CPM: variants seen among roughly 807,000 people sequenced by gnomAD.
CPM encodes renal carboxypeptidase.
A neutral mutation model predicts 46.4 loss-of-function variants in CPM; 35 were observed. The observed-to-expected ratio is 0.75, with a 90% CI of 0.58 to 1.00. The LOEUF (loss-of-function observed/expected upper bound fraction) is 1.00. CPM is among the 50% of genes least tolerant of loss of function. CPM has a pLI of 0.00. For synonymous variants in CPM, 195 were observed against 195.3 expected (o/e 1.00, Z 0.01); for missense variants, 422 against 530.4 (o/e 0.80, Z 2.01).
chr12:68,914,029 C>T (rs1887706977), intron 2 of CPM: 8 of 707,948 alleles, frequency 1.1e-5, no homozygotes, highest in Admixed American at 1.1e-4. Flanking sequence ...CTCTTCAAAT[C>T]CTCACTATTC....
intron 7 of CPM, among the ~76,000 whole-genome samples, chr12:68,865,052 C>G (rs1885376643): frequency 6.6e-6 from 1 of 151,950 alleles, no homozygotes; most frequent in Non-Finnish European, 1.5e-5. Context: ...AATAGATTAA[C>G]AAACTAAAGG....
chr12:68,867,153 A>G (rs1280830166), intron 6 of CPM, 105 bp from the exon 7 acceptor site: 2 of 1,137,536 alleles, frequency 1.8e-6, no homozygotes, highest in African/African-American at 1.6e-5. Context: ...TGTAAACAGG[A>G]AAAAATGAAT....
chr12:68,885,714 T>C (rs1182774230), intron 3 of CPM, 78 bp downstream of exon 3: 2 of 1,161,802 alleles, frequency 1.7e-6, no homozygotes, highest in Non-Finnish European at 2.5e-6. Context: ...GCTTCCTCGG[T>C]AGCATTTATA....
chr12:68,899,220 T>C (rs931401106), intron 2 of CPM, among the ~76,000 whole-genome samples: 2 of 152,206 alleles, frequency 1.3e-5, no homozygotes, highest in African/African-American at 4.8e-5. Flanking sequence ...CAAAATGTAT[T>C]AGCACAAAAA....
chr12:68,953,252 T>TC (rs966937712), intron 1 of CPM, among the ~76,000 whole-genome samples: 10 of 146,446 alleles, frequency 6.8e-5, no homozygotes, highest in South Asian at 2.2e-4. Flanking sequence ...TTTCTCTCTC[T>TC]TTTTTTTTTT....
At chr12:68,930,284 G>A (rs1015647563) in intron 2 of CPM, among the ~76,000 whole-genome samples, 1 of 152,226 alleles carries the variant, frequency 6.6e-6, no homozygotes, top group African/African-American at 2.4e-5. Flanking sequence ...GTTTCACCAT[G>A]TTGGCCAGGC....
intron 1 of CPM, among the ~76,000 whole-genome samples, chr12:68,958,521 C>G (rs1428162277): frequency 6.6e-6 from 1 of 152,098 alleles, no homozygotes; most frequent in Non-Finnish European, 1.5e-5. Context: ...TCCACCCACC[C>G]CAACCAATGC....
In CPM at chr12:68,856,192, T is replaced by C. The variant is rs1476036228; in HGVS notation, c.*245A>G. ...ATTTTAAGACTACTTCAAGATTAAT[T>C]TGAGTGTAAATGAGCAGTACTTGTT... On this transcript the variant is annotated 3_prime_UTR_variant, in exon 9 of 9. Coordinates refer to ENST00000551568, the MANE Select transcript of CPM (RefSeq NM_198320.5). 2.2e-6 allele frequency: 1 copy of C among 452,130 alleles called. No homozygotes were observed. The highest frequency in any genetic ancestry group is 1.9e-5 in the African/African-American group (1 of 51,758). 28.0% of individuals were successfully genotyped at this position (452,130 alleles called of 1,614,324 possible). A position where few individuals can be genotyped will look rare whatever the true frequency, so the allele number is the denominator to read the frequency against.
At chr12:68,859,500 G>A (rs1160801491) in intron 7 of CPM, among the ~76,000 whole-genome samples, 1 of 152,140 alleles carries the variant, frequency 6.6e-6, no homozygotes, top group Non-Finnish European at 1.5e-5. Flanking sequence ...GTTTTGTCTT[G>A]TAGTGCAACT....
chr12:68,856,778 G>GCA (rs2058859470), intron 8 of CPM, 99 bp from the exon 9 acceptor site: 1 of 1,451,250 alleles, frequency 6.9e-7, no homozygotes, highest in South Asian at 1.3e-5. Flanking sequence ...CAGCCTTTGT[G>GCA]CAATGCATGT....
At chr12:68,947,159 T>C (rs1170767515) in intron 1 of CPM, among the ~76,000 whole-genome samples, 1 of 152,154 alleles carries the variant, frequency 6.6e-6, no homozygotes, top group East Asian at 1.9e-4. Context: ...TGGAGTTAAG[T>C]GGAGTTCAAA....
At chr12:68,936,937 T>C (rs1397803255), upstream of CPM, among the ~76,000 whole-genome samples, 3 of 152,152 alleles carry the variant, frequency 2.0e-5, no homozygotes, top group Non-Finnish European at 2.9e-5. Flanking sequence ...CTAATAAATA[T>C]AGTAAAGGTT....
chr12:68,843,494 CTG>C lies in CPM; in HGVS notation c.534-1167_534-1166del, dbSNP rs1271362872. The C allele has an allele frequency of 4.1e-5, 9 of 222,048 alleles. No individual in the cohort carries two copies. The East Asian group carries it at 5.1e-4, about 13-fold the overall frequency. The allele number at this position is 222,048 out of a possible 1,614,324, so 13.8% of individuals were successfully genotyped here. A position where few individuals can be genotyped will look rare whatever the true frequency, so the allele number is the denominator to read the frequency against. Reference sequence around the variant, plus strand: ...ATTTCTAATATAAGTATCTCTCAAACTGTGGATTAACTTCTTGATTTATATTT... The same window carrying C: ...ATTTCTAATATAAGTATCTCTCAAACTGGATTAACTTCTTGATTTATATTT... On this transcript the variant is annotated intron_variant, in intron 5 of 5. Coordinates refer to the CPM transcript ENST00000551897.
intron 2 of CPM, chr12:68,913,972 G>A (rs1887703762): frequency 1.4e-6 from 1 of 719,412 alleles, no homozygotes. Flanking sequence ...TGTGTTTGAT[G>A]CAGCTACACA....
chr12:68,860,500 G>T (rs1885162101), intron 7 of CPM, among the ~76,000 whole-genome samples: 1 of 152,054 alleles, frequency 6.6e-6, no homozygotes, highest in Admixed American at 6.6e-5. Flanking sequence ...TCACCATGTT[G>T]CCCAGGCTTG....
At chr12:68,872,787 C>T (rs1245345123) in intron 3 of CPM, among the ~76,000 whole-genome samples, 1 of 151,508 alleles carries the variant, frequency 6.6e-6, no homozygotes, top group Non-Finnish European at 1.5e-5. Flanking sequence ...AGGCTGGCTT[C>T]CAACTCCTGA....
rs563249062 is a variant in CPM, at chr12:68,940,264, G to A, written c.-3-7424C>T. 1.4e-4 allele frequency among the ~76,000 whole-genome samples: 21 copies of A among 151,808 alleles called. No individual in the cohort carries two copies. In the East Asian group the frequency reaches 2.3e-3, roughly 17 times the overall value. ...TTATTATTAACATCTTGGCGTTAGC[G>A]TGTCACATCTGTTAAAATTGATGAG... is the stretch of plus-strand genomic sequence containing the variant. On this transcript the variant is annotated intron_variant, in intron 1 of 8. Coordinates refer to the CPM transcript ENST00000546373.
intron 6 of CPM, 31 bp from the exon 7 acceptor site, chr12:68,867,079 G>C (rs112755271): frequency 0.012 from 19,329 of 1,612,204 alleles, 158 homozygotes; most frequent in Admixed American, 0.014. Flanking sequence ...TTTTTGTTAG[G>C]GTCTAAAATT....
upstream of CPM, among the ~76,000 whole-genome samples, chr12:68,936,073 G>A (rs188800808): frequency 6.6e-6 from 1 of 152,242 alleles, no homozygotes; most frequent in East Asian, 1.9e-4. Flanking sequence ...AATGGAGGTA[G>A]GGGGTACAGA....
Sources: allele counts gnomAD v4.1 joint callset (sites outside exome capture counted in the v4.1 genomes callset), GRCh38; gene constraint gnomAD v4.1.1; transcripts MANE v1.5; gene names NCBI Gene and HGNC (gene_info 2026-07-23, HGNC 2026-07-21).